The following ECT2L variants were observed in gnomAD, a reference collection of about 807,000 sequenced individuals.
ECT2L encodes epithelial cell-transforming sequence 2 oncogene-like.
In ECT2L, 126 loss-of-function variants were observed where a neutral mutation model predicts 122.8. That is an observed-to-expected ratio of 1.03 (90% confidence interval 0.89 to 1.19). ECT2L has a LOEUF of 1.19. Ranked by LOEUF, ECT2L falls within the 50% of genes most tolerant of loss-of-function variation. ECT2L has a pLI of 0.00. For missense variants in ECT2L, 1,012 were observed against 1,064.1 expected (o/e 0.95, Z 0.68); for synonymous variants, 385 against 381.8 (o/e 1.01, Z -0.10).
chr6:138,889,559 G>A (rs186116056), intron 20 of ECT2L, among the ~76,000 whole-genome samples: 38 of 152,002 alleles, frequency 2.5e-4, no homozygotes, highest in Non-Finnish European at 5.1e-4. Flanking sequence ...ATCTCCAGTG[G>A]TCCACCTGCC....
At chr6:138,839,019 A>G (rs1776947110) in intron 5 of ECT2L, among the ~76,000 whole-genome samples, 1 of 152,192 alleles carries the variant, frequency 6.6e-6, no homozygotes, top group Non-Finnish European at 1.5e-5. Context: ...TGACCTTGTG[A>G]TCCGCCCGCC....
intron 10 of ECT2L, among the ~76,000 whole-genome samples, chr6:138,860,414 T>C (rs1346181131): frequency 6.6e-6 from 1 of 152,152 alleles, no homozygotes; most frequent in Non-Finnish European, 1.5e-5. Flanking sequence ...TTCCAGTGAA[T>C]TTCATTTGCA....
intron 1 of ECT2L, among the ~76,000 whole-genome samples, chr6:138,805,096 G>A (rs561636506): frequency 3.2e-4 from 49 of 152,246 alleles, no homozygotes; most frequent in African/African-American, 1.2e-3. Context: ...TATTTTATTC[G>A]CAGCTTCCTC....
intron 4 of ECT2L, among the ~76,000 whole-genome samples, chr6:138,825,744 TAAAG>T (rs1776425273): frequency 6.6e-6 from 1 of 152,232 alleles, no homozygotes; most frequent in South Asian, 2.1e-4. Context: ...TTTTTTTTCT[TAAAG>T]AAACTTCAGT....
intron 20 of ECT2L, among the ~76,000 whole-genome samples, chr6:138,895,509 G>A (rs1562498001): frequency 6.6e-6 from 1 of 152,124 alleles, no homozygotes; most frequent in Non-Finnish European, 1.5e-5. Context: ...AGGTAGAAAG[G>A]TGAACCAAGC....
Position 138,849,341 on chromosome 6 carries a change from C to A in ECT2L, c.976C>A (p.Leu326Met). 1 of 1,614,044 alleles carries A rather than the reference C, an allele frequency of 6.2e-7. No individual in the cohort carries two copies. The highest frequency in any genetic ancestry group is 8.5e-7 in the Non-Finnish European group (1 of 1,180,020). ...YEHSVTLESL[L>M]YLIEKALDGQ... Reference sequence around the variant, plus strand: ...ACACAGCGTAACCTTGGAAAGCCTTCTGTATCTTATAGAAAAAGCTCTGGA... The same window carrying A: ...ACACAGCGTAACCTTGGAAAGCCTTATGTATCTTATAGAAAAAGCTCTGGA... The change falls in exon 9 of 22, where the codon CTG becomes ATG. Residue 326 changes from leucine to methionine, a missense_variant. By Grantham distance (15) the Leu-to-Met change is conservative. Transcript: ENST00000541398.
intron 1 of ECT2L, among the ~76,000 whole-genome samples, chr6:138,800,312 A>T (rs1775498494): frequency 1.3e-5 from 2 of 152,224 alleles, no homozygotes; most frequent in Non-Finnish European, 2.9e-5. Context: ...GATCAAGGAA[A>T]AACTTCATGG....
intron 3 of ECT2L, 139 bp downstream of exon 3, chr6:138,813,479 T>C: frequency 1.5e-6 from 1 of 682,926 alleles, no homozygotes; most frequent in South Asian, 2.2e-5. Context: ...AAAAATAAAC[T>C]TAGCTTTGTC....
At chr6:138,838,544 G>A (rs936174623) in intron 5 of ECT2L, 30 bp downstream of exon 5, 1 of 1,595,004 alleles carries the variant, frequency 6.3e-7, no homozygotes, top group Admixed American at 1.7e-5. Context: ...CTAGTAATAG[G>A]GCACAAGTAC....
chr6:138,902,367 T>C, intron 21 of ECT2L, 133 bp from the exon 22 acceptor site: 1 of 720,810 alleles, frequency 1.4e-6, no homozygotes, highest in Non-Finnish European at 2.2e-6. Context: ...GAAGTTATAT[T>C]CTACACTGAA....
At chr6:138,819,834 C>A (rs1018230742) in intron 4 of ECT2L, among the ~76,000 whole-genome samples, 1 of 151,812 alleles carries the variant, frequency 6.6e-6, no homozygotes, top group Non-Finnish European at 1.5e-5. Flanking sequence ...TTGCAGTGAA[C>A]TGAGATCGCA....
At chr6:138,834,021 C>T (rs1776742554) in intron 4 of ECT2L, among the ~76,000 whole-genome samples, 1 of 152,106 alleles carries the variant, frequency 6.6e-6, no homozygotes, top group Admixed American at 6.5e-5. Flanking sequence ...TCATTTTCAT[C>T]ACAATTTTGG....
At chr6:138,826,302 T>C (rs958137373) in intron 4 of ECT2L, among the ~76,000 whole-genome samples, 1 of 152,176 alleles carries the variant, frequency 6.6e-6, no homozygotes, top group Non-Finnish European at 1.5e-5. Context: ...TACCAGCCAC[T>C]AAGAATTACT....
chr6:138,848,001 A>C (rs941938144), intron 8 of ECT2L, among the ~76,000 whole-genome samples: 1 of 152,216 alleles, frequency 6.6e-6, no homozygotes, highest in Middle Eastern at 3.2e-3. Flanking sequence ...CCTTCTTCAC[A>C]TGACAGCAGG....
chr6:138,803,317 TACACACACAC>T (rs4052918), intron 1 of ECT2L, among the ~76,000 whole-genome samples: 4 of 148,588 alleles, frequency 2.7e-5, no homozygotes, highest in African/African-American at 7.4e-5. Flanking sequence ...TATATGCATG[TACACACACAC>T]ACACACACAC....
rs531807784 is a variant in ECT2L, at chr6:138,870,016, A to C, written c.1578+1810A>C. ...TGAGATGAACTAGAAAGTCTCATGTACTGACTTGAATTGAGCACTAGTCAC... is the reference window on the plus strand; with the variant it reads ...TGAGATGAACTAGAAAGTCTCATGTCCTGACTTGAATTGAGCACTAGTCAC... On this transcript the variant is annotated intron_variant, in intron 13 of 21. Coordinates refer to ENST00000541398, the MANE Select transcript of ECT2L (RefSeq NM_001077706.3). 8.5e-5 allele frequency among the ~76,000 whole-genome samples: 13 copies of C among 152,362 alleles called. No individual in the cohort carries two copies. In the South Asian group the frequency reaches 2.5e-3, roughly 29 times the overall value.
intron 4 of ECT2L, among the ~76,000 whole-genome samples, chr6:138,827,942 A>AT (rs34074477): frequency 0.74 from 111,048 of 150,268 alleles, 41,128 homozygotes; most frequent in East Asian, 0.89. Flanking sequence ...ATAAAGGACT[A>AT]TTTTTTTTTT....
intron 19 of ECT2L, among the ~76,000 whole-genome samples, chr6:138,888,515 T>C (rs1432866478): frequency 2.0e-5 from 3 of 151,978 alleles, no homozygotes; most frequent in Admixed American, 6.6e-5. Context: ...GGTTTCACCA[T>C]GTTGGCCAGG....
chr6:138,886,788 T>G (rs1778836518), intron 18 of ECT2L, 69 bp from the exon 19 acceptor site: 4 of 1,093,700 alleles, frequency 3.7e-6, no homozygotes, highest in Non-Finnish European at 5.5e-6. Context: ...TAAAATATTT[T>G]AATCTATTTC....
Sources: allele counts gnomAD v4.1 joint callset (sites outside exome capture counted in the v4.1 genomes callset), GRCh38; gene constraint gnomAD v4.1.1; transcripts MANE v1.5; gene names NCBI Gene and HGNC (gene_info 2026-07-23, HGNC 2026-07-21).